F13A1: variants seen among roughly 807,000 people sequenced by gnomAD.
F13A1 encodes FSF, A subunit.
In F13A1, 47 loss-of-function variants were observed where a neutral mutation model predicts 80.1. That is an observed-to-expected ratio of 0.59 (90% confidence interval 0.46 to 0.75). The LOEUF (loss-of-function observed/expected upper bound fraction) is 0.75. F13A1 is among the 30% of genes least tolerant of loss of function. The probability of loss-of-function intolerance (pLI) is 0.00; values close to 1 mark genes in which losing one functional copy is unlikely to be tolerated. For missense variants in F13A1, 817 were observed against 930.4 expected, an observed-to-expected ratio of 0.88 and a Z score of 1.59; for synonymous variants, 349 against 344.9, an observed-to-expected ratio of 1.01 and a Z score of -0.13.
chr6:6,212,209 C>T (rs1430186207), intron 8 of F13A1, among the ~76,000 whole-genome samples: 1 of 152,246 alleles, frequency 6.6e-6, no homozygotes, highest in Non-Finnish European at 1.5e-5. Context: ...CCTCTGTAGG[C>T]TCCACCTCTG....
At chr6:6,170,621 G>A (rs757872115) in intron 12 of F13A1, among the ~76,000 whole-genome samples, 4 of 152,226 alleles carry the variant, frequency 2.6e-5, no homozygotes, top group South Asian at 2.1e-4. Context: ...AAAAAGCAAA[G>A]AAAACTAAAT....
intron 3 of F13A1, among the ~76,000 whole-genome samples, chr6:6,297,033 A>G (rs945073642): frequency 4.1e-5 from 6 of 145,710 alleles, no homozygotes; most frequent in African/African-American, 1.4e-4. Context: ...GGTTCTGTTT[A>G]TATGCTGGAT....
At chr6:6,290,616 T>C (rs12190384) in intron 3 of F13A1, among the ~76,000 whole-genome samples, 34,582 of 152,152 alleles carry the variant, frequency 0.23, 4,294 homozygotes, top group African/African-American at 0.3. Flanking sequence ...CTGTATTTGA[T>C]GATGGAACTT....
In F13A1 at chr6:6,318,541, G is replaced by C; in HGVS notation, c.124C>G (p.Leu42Val). 1 of 1,613,402 alleles carries C rather than the reference G, an allele frequency of 6.2e-7. No individual in the cohort carries two copies. Among genetic ancestry groups the C allele is most frequent in the Non-Finnish European group, 8.5e-7 (1 of 1,179,766 alleles). Residue 42 changes from leucine to valine, a missense_variant, in exon 2 of 15, where the codon CTG becomes GTG. Transcript: ENST00000264870. ...LQGVVPRGVN[L>V]QEFLNVTSVH... is the part of the protein sequence containing the mutation. Reference sequence around the variant, plus strand: ...AAGGGGGGTATGCTCATACCTTGCAGGTTGACGCCCCGGGGCACCACGCCC... The same window carrying C: ...AAGGGGGGTATGCTCATACCTTGCACGTTGACGCCCCGGGGCACCACGCCC...
chr6:6,266,280 G>A (rs1757843224), intron 4 of F13A1, among the ~76,000 whole-genome samples: 1 of 152,120 alleles, frequency 6.6e-6, no homozygotes, highest in Admixed American at 6.5e-5. Flanking sequence ...TGCCCAGGCT[G>A]GAGTACAGTG....
At chr6:6,293,778 AGAGAGAGG>A (rs1261232646) in intron 3 of F13A1, among the ~76,000 whole-genome samples, 9 of 86,540 alleles carry the variant, frequency 1.0e-4, no homozygotes, top group African/African-American at 3.8e-4. Flanking sequence ...AGGGAGTGAG[AGAGAGAGG>A]GAGGGAGGGA....
intron 14 of F13A1, among the ~76,000 whole-genome samples, chr6:6,149,414 C>A (rs1583042790): frequency 6.6e-6 from 1 of 152,242 alleles, no homozygotes; most frequent in East Asian, 1.9e-4. Context: ...GTGGTCCTCA[C>A]ACATTCATTT....
At chr6:6,258,842 A>G (rs577972089) in intron 4 of F13A1, among the ~76,000 whole-genome samples, 26 of 152,368 alleles carry the variant, frequency 1.7e-4, no homozygotes, top group African/African-American at 5.8e-4. Flanking sequence ...CTATGCAAAT[A>G]CTGTTCTGGG....
intron 12 of F13A1, 131 bp from the exon 13 acceptor site, chr6:6,167,749 A>G: frequency 1.1e-6 from 1 of 931,280 alleles, no homozygotes; most frequent in Admixed American, 2.0e-5. Context: ...GGTAAGGGGC[A>G]AGTGGAACAA....
intron 13 of F13A1, among the ~76,000 whole-genome samples, chr6:6,164,287 G>A (rs1760626932): frequency 6.6e-6 from 1 of 152,108 alleles, no homozygotes. Context: ...TAAATGAGGA[G>A]AACTTACGAA....
intron 3 of F13A1, among the ~76,000 whole-genome samples, chr6:6,297,178 T>C (rs897228302): frequency 4.8e-4 from 72 of 151,430 alleles, no homozygotes; most frequent in South Asian, 3.1e-3. Context: ...TTTGCATCAA[T>C]GTTCATCAAA....
intron 8 of F13A1, among the ~76,000 whole-genome samples, chr6:6,203,809 T>C (rs936865019): frequency 2.0e-5 from 3 of 152,176 alleles, no homozygotes; most frequent in African/African-American, 7.2e-5. Flanking sequence ...CAAAGAGACA[T>C]ATTACAGAAG....
At chr6:6,208,687 C>A (rs1761539404) in intron 8 of F13A1, among the ~76,000 whole-genome samples, 1 of 151,932 alleles carries the variant, frequency 6.6e-6, no homozygotes, top group South Asian at 2.1e-4. Flanking sequence ...CTGAGTGAAA[C>A]AAAGAATCTT....
At position 6,231,840 on chromosome 6, in the gene F13A1, GA is replaced by G. The variant is rs367694991; in HGVS notation, c.799-6981del. On this transcript the variant is annotated intron_variant, in intron 6 of 14. Transcript: ENST00000264870. ...TCCAGCGAAACTAAGCATCATATAT[GA>G]AAGAAAGATACAGCCTTTTTCAGAC... 6.6e-3 allele frequency among the ~76,000 whole-genome samples: 998 copies of G among 152,026 alleles called. 9 individuals carry two copies. The highest frequency in any genetic ancestry group is 0.023 in the African/African-American group (953 of 41,338).
Position 6,162,507 on chromosome 6 carries a change from C to A in F13A1, c.1908+4951G>T, listed in dbSNP as rs1237663967. On this transcript the variant is annotated intron_variant, in intron 13 of 14. Transcript: ENST00000264870. The surrounding 1 kb of genome is among the most constrained non-coding windows in gnomAD (Gnocchi z 4.2). Reference sequence around the variant, plus strand: ...CAAAACTCTCTGCAAAGTCAATGACCACCTCTGCTTTTTGTGATAGTTCCA... The same window carrying A: ...CAAAACTCTCTGCAAAGTCAATGACAACCTCTGCTTTTTGTGATAGTTCCA... 6.6e-6 allele frequency among the ~76,000 whole-genome samples: 1 copy of A among 152,190 alleles called. No homozygotes were observed. The highest frequency in any genetic ancestry group is 1.5e-5 in the Non-Finnish European group (1 of 68,032).
intron 8 of F13A1, among the ~76,000 whole-genome samples, chr6:6,210,062 CAA>C (rs560257894): frequency 1.5e-5 from 2 of 135,432 alleles, no homozygotes; most frequent in African/African-American, 2.7e-5. Context: ...CTTGTCTCTA[CAA>C]AAAAAAAAAA....
intron 13 of F13A1, among the ~76,000 whole-genome samples, chr6:6,154,937 C>T (rs963810277): frequency 4.6e-5 from 7 of 152,204 alleles, no homozygotes; most frequent in African/African-American, 1.4e-4. Flanking sequence ...TTGGAGCCAT[C>T]TGTCTTCTCC....
Position 6,250,737 on chromosome 6 carries a change from T to A in F13A1, c.690+74A>T. 1 of 963,834 alleles carries A rather than the reference T, an allele frequency of 1.0e-6. No homozygotes were observed. Among genetic ancestry groups the A allele is most frequent in the Admixed American group, 1.7e-5 (1 of 59,076 alleles). 59.7% of individuals were successfully genotyped at this position (963,834 alleles called of 1,614,324 possible). On this transcript the variant is annotated intron_variant, in intron 5 of 14. Transcript: ENST00000264870. This position sits in a 1 kb window ranked among gnomAD's most constrained non-coding sequence, Gnocchi z 4.2. ...GCTTGTCTAATATCGATATATGGGA[T>A]CCTGTAGGGATACATGTGACAAAAA...
intron 4 of F13A1, among the ~76,000 whole-genome samples, chr6:6,263,936 C>T (rs1757810431): frequency 6.6e-6 from 1 of 152,138 alleles, no homozygotes; most frequent in African/African-American, 2.4e-5. Flanking sequence ...TGTCCTAGAC[C>T]ACAGCTTCCA....
Sources: gnomAD v4.1 joint callset for allele counts (sites outside exome capture counted in the v4.1 genomes callset) on GRCh38, gnomAD v4.1.1 for gene constraint, Gnocchi (gnomAD v3.1) non-coding constraint, MANE v1.5 for transcripts, NCBI Gene and HGNC (gene_info 2026-07-23, HGNC 2026-07-21) for gene names.